Variants in DGKH observed in about 807,000 individuals in gnomAD.
The protein encoded by DGKH is DAG kinase eta.
Under a neutral mutation model 159.3 loss-of-function variants are expected in DGKH, and 90 were observed. That is an observed-to-expected ratio of 0.57 (90% CI 0.48 to 0.67). DGKH has a LOEUF of 0.67. Among genes scored for constraint, DGKH ranks in the 30% least tolerant of loss-of-function variants. The probability of loss-of-function intolerance (pLI) is 0.00; values close to 1 mark genes in which losing one functional copy is unlikely to be tolerated. For synonymous variants in DGKH, 536 were observed against 553.8 expected, an observed-to-expected ratio of 0.97 and a Z score of 0.45; for missense variants, 1,181 against 1,506.1, an observed-to-expected ratio of 0.78 and a Z score of 3.57.
chr13:42,053,824 G>A (rs1215054327), intron 1 of DGKH, among the ~76,000 whole-genome samples: 1 of 152,012 alleles, frequency 6.6e-6, no homozygotes, highest in East Asian at 1.9e-4. Context: ...GTTTCACCAT[G>A]TTGGCCAGGG....
chr13:42,058,571 G>A (rs1881920640), intron 1 of DGKH, among the ~76,000 whole-genome samples: 2 of 152,216 alleles, frequency 1.3e-5, no homozygotes, highest in South Asian at 2.1e-4. Context: ...TTCTCAGCTT[G>A]TCATGTACTA....
At chr13:42,070,605 T>C in intron 1 of DGKH, 1 of 1,605,928 alleles carries the variant, frequency 6.2e-7, no homozygotes, top group Non-Finnish European at 8.5e-7. Context: ...GCACCAAGTC[T>C]TCAGTATTAA....
chr13:42,228,570 A>G (rs1958196916), intron 29 of DGKH, among the ~76,000 whole-genome samples: 1 of 151,630 alleles, frequency 6.6e-6, no homozygotes, highest in Admixed American at 6.6e-5. Context: ...GTCCCGCATC[A>G]TTTTTTTCTC....
chr13:42,054,563 C>G (rs899953351), intron 1 of DGKH, among the ~76,000 whole-genome samples: 2 of 152,092 alleles, frequency 1.3e-5, no homozygotes, highest in Non-Finnish European at 2.9e-5. Context: ...TTATTTAACT[C>G]AGAGAATGGA....
chr13:42,107,311 T>C (rs1294242667), intron 1 of DGKH, among the ~76,000 whole-genome samples: 1 of 152,206 alleles, frequency 6.6e-6, no homozygotes, highest in Non-Finnish European at 1.5e-5. Flanking sequence ...AGTGTTTTGT[T>C]TGGCCAATGG....
chr13:42,126,085 G>C (rs1320314737), intron 1 of DGKH, among the ~76,000 whole-genome samples: 1 of 152,110 alleles, frequency 6.6e-6, no homozygotes, highest in Non-Finnish European at 1.5e-5. Flanking sequence ...CCTATAGAAA[G>C]GCTCTAGTGT....
chr13:42,098,486 C>CAA (rs201346298), intron 1 of DGKH, among the ~76,000 whole-genome samples: 13,114 of 142,252 alleles, frequency 0.092, 1,249 homozygotes, highest in African/African-American at 0.25. Flanking sequence ...GACTCTGTCT[C>CAA]AAAAAAAAAA....
intron 1 of DGKH, among the ~76,000 whole-genome samples, chr13:42,117,566 T>C (rs542204765): frequency 2.0e-5 from 3 of 152,332 alleles, no homozygotes; most frequent in South Asian, 4.1e-4. Flanking sequence ...CCTTTTCTTT[T>C]TTTTCTTCAA....
chr13:42,134,124 C>A (rs1259984370), intron 3 of DGKH, among the ~76,000 whole-genome samples: 1 of 152,172 alleles, frequency 6.6e-6, no homozygotes, highest in Non-Finnish European at 1.5e-5. Flanking sequence ...AAAACCTGTG[C>A]TTTGCCTGAA....
chr13:42,140,926 TTTTTTA>T (rs936844309), intron 3 of DGKH: 9 of 151,128 alleles, frequency 6.0e-5, no homozygotes, highest in Non-Finnish European at 1.0e-4. Flanking sequence ...TATTTTTTAT[TTTTTTA>T]TTTTTATTTT....
chr13:42,107,203 T>A (rs1954776788), intron 1 of DGKH, among the ~76,000 whole-genome samples: 1 of 152,304 alleles, frequency 6.6e-6, no homozygotes, highest in South Asian at 2.1e-4. Context: ...GTCCAGCATT[T>A]AAGGGTGAGT....
chr13:42,115,045 A>G (rs538996458), intron 1 of DGKH, among the ~76,000 whole-genome samples: 1 of 152,332 alleles, frequency 6.6e-6, no homozygotes, highest in South Asian at 2.1e-4. Flanking sequence ...AGATGGGGAA[A>G]CTTAGGTTCA....
At chr13:42,133,519 C>A (rs1036432552) in intron 3 of DGKH, among the ~76,000 whole-genome samples, 1 of 151,902 alleles carries the variant, frequency 6.6e-6, no homozygotes, top group African/African-American at 2.4e-5. Flanking sequence ...TAGTGAGACA[C>A]CCCTTCTCTA....
chr13:42,121,066 TACAC>T lies in DGKH; in HGVS notation c.193-6375_193-6372del, dbSNP rs377628213. On this transcript the variant is annotated intron_variant, in intron 1 of 29. Coordinates refer to ENST00000337343, the MANE Select transcript of DGKH (RefSeq NM_178009.5). ...TCTATGAAAGTAATAATATATATTA[TACAC>T]ACACACACACACACACACACAACAT... Among the ~76,000 whole-genome samples the T allele has an allele frequency of 7.6e-3, 1,098 of 144,826 alleles. 8 individuals carry two copies. The highest frequency in any genetic ancestry group is 0.026 in the African/African-American group (1,039 of 39,860).
At chr13:42,155,473 A>G (rs2137955174) in intron 4 of DGKH, 78 bp downstream of exon 4, 1 of 1,498,242 alleles carries the variant, frequency 6.7e-7, no homozygotes, top group Non-Finnish European at 9.2e-7. Context: ...CTACCGTGCA[A>G]ACATAAGTAT....
intron 30 of DGKH, among the ~76,000 whole-genome samples, chr13:42,252,770 CAG>C: frequency 6.6e-6 from 1 of 150,824 alleles, no homozygotes; most frequent in Non-Finnish European, 1.5e-5. Flanking sequence ...TTTTTTGAGA[CAG>C]AGTCTTGATC....
At chr13:42,219,201 G>T in intron 26 of DGKH, 29 bp from the exon 27 acceptor site, 2 of 1,612,270 alleles carry the variant, frequency 1.2e-6, no homozygotes, top group Non-Finnish European at 1.7e-6. Context: ...GTCTTGTTTT[G>T]TTTTGTCTTT....
intron 29 of DGKH, among the ~76,000 whole-genome samples, chr13:42,222,783 A>G (rs1377209541): frequency 6.6e-6 from 1 of 152,204 alleles, no homozygotes; most frequent in Admixed American, 6.5e-5. Context: ...CTGTGTGTGT[A>G]TGTATAAAAA....
chr13:42,055,197 T>A (rs560023490), intron 1 of DGKH, among the ~76,000 whole-genome samples: 9 of 152,330 alleles, frequency 5.9e-5, no homozygotes, highest in African/African-American at 1.4e-4. Context: ...TAGTTAGGTT[T>A]GCCAAGCATT....
Sources: allele counts gnomAD v4.1 joint callset (sites outside exome capture counted in the v4.1 genomes callset), GRCh38; gene constraint gnomAD v4.1.1; transcripts MANE v1.5; gene names NCBI Gene and HGNC (gene_info 2026-07-23, HGNC 2026-07-21).